The following SUCLG2 variants were observed in gnomAD, a reference collection of about 807,000 sequenced individuals.
SUCLG2 encodes the protein succinate--CoA ligase [GDP-forming] subunit beta, mitochondrial.
A neutral mutation model predicts 47.9 loss-of-function variants in SUCLG2; 42 were observed. The observed-to-expected ratio is 0.88, with a 90% CI of 0.69 to 1.14. The LOEUF (loss-of-function observed/expected upper bound fraction) is 1.14, where lower values mean the gene tolerates loss of function less well. Ranked by LOEUF, SUCLG2 falls within the 50% of genes most tolerant of loss-of-function variation. The probability of loss-of-function intolerance (pLI) is 0.00; values close to 1 mark genes in which losing one functional copy is unlikely to be tolerated. For synonymous variants in SUCLG2, 195 were observed against 197.3 expected (o/e 0.99, Z 0.10); for missense variants, 571 against 525.9 (o/e 1.09, Z -0.84).
At chr3:67,540,020 T>G (rs140562555) in intron 2 of SUCLG2, among the ~76,000 whole-genome samples, 6 of 151,860 alleles carry the variant, frequency 4.0e-5, no homozygotes, top group African/African-American at 1.5e-4. Flanking sequence ...CCCGGATTCA[T>G]TGATTTTTTT....
intron 10 of SUCLG2, among the ~76,000 whole-genome samples, chr3:67,381,691 C>T (rs550437411): frequency 2.0e-5 from 3 of 152,048 alleles, no homozygotes; most frequent in African/African-American, 7.3e-5. Flanking sequence ...TTGTTGAGAG[C>T]CACTCAGCTA....
intron 1 of SUCLG2, among the ~76,000 whole-genome samples, chr3:67,651,729 A>G (rs1398339347): frequency 6.6e-6 from 1 of 152,176 alleles, no homozygotes; most frequent in Non-Finnish European, 1.5e-5. Flanking sequence ...CAAGTTGTTC[A>G]TTTGTAATTG....
chr3:67,389,636 T>C (rs1702336553), intron 10 of SUCLG2, among the ~76,000 whole-genome samples: 1 of 152,208 alleles, frequency 6.6e-6, no homozygotes, highest in South Asian at 2.1e-4. Context: ...ATTCTTATTC[T>C]CTCACAATTT....
At chr3:67,401,860 G>A (rs1005956844) in intron 9 of SUCLG2, among the ~76,000 whole-genome samples, 2 of 152,138 alleles carry the variant, frequency 1.3e-5, no homozygotes, top group Non-Finnish European at 2.9e-5. Flanking sequence ...CATATGAGAA[G>A]AGAATATCTT....
chr3:67,606,265 C>T (rs1320507700), intron 2 of SUCLG2, among the ~76,000 whole-genome samples: 2 of 152,014 alleles, frequency 1.3e-5, no homozygotes, highest in Non-Finnish European at 2.9e-5. Context: ...AACCACAATA[C>T]AATGGCTAAA....
intron 2 of SUCLG2, among the ~76,000 whole-genome samples, chr3:67,533,923 CAG>C (rs1246704293): frequency 6.6e-6 from 1 of 151,050 alleles, no homozygotes; most frequent in Admixed American, 6.7e-5. Flanking sequence ...AAATTTGGGA[CAG>C]AGAGTTTCAA....
intron 2 of SUCLG2, among the ~76,000 whole-genome samples, chr3:67,582,865 C>A (rs1707917783): frequency 6.6e-6 from 1 of 151,678 alleles, no homozygotes; most frequent in African/African-American, 2.4e-5. Context: ...CATTCCCCTC[C>A]CCCACCAAAA....
At chr3:67,417,573 C>A (rs9878672) in intron 9 of SUCLG2, among the ~76,000 whole-genome samples, 12,997 of 152,226 alleles carry the variant, frequency 0.085, 658 homozygotes, top group African/African-American at 0.13. Flanking sequence ...AACTAAAAAT[C>A]GGAGTGGAAA....
At chr3:67,361,891 G>T (rs1701807990) in intron 10 of SUCLG2, among the ~76,000 whole-genome samples, 1 of 152,118 alleles carries the variant, frequency 6.6e-6, no homozygotes, top group Admixed American at 6.6e-5. Context: ...ATGGTGAGGG[G>T]AACATGCCCT....
intron 6 of SUCLG2, among the ~76,000 whole-genome samples, chr3:67,512,222 T>C (rs1448168944): frequency 1.3e-5 from 2 of 151,282 alleles, no homozygotes; most frequent in African/African-American, 2.5e-5. Flanking sequence ...TTTAAAAGGC[T>C]AGTCCCATTC....
intron 1 of SUCLG2, among the ~76,000 whole-genome samples, chr3:67,626,113 G>A (rs969311994): frequency 7.9e-5 from 12 of 151,622 alleles, no homozygotes; most frequent in South Asian, 2.1e-4. Flanking sequence ...TCCGCCTCCC[G>A]GGTTCACGCC....
intron 1 of SUCLG2, among the ~76,000 whole-genome samples, chr3:67,621,814 A>C (rs1445724848): frequency 2.6e-5 from 4 of 152,178 alleles, no homozygotes; most frequent in African/African-American, 9.7e-5. Context: ...TAACTATAAG[A>C]AATAAATTCC....
chr3:67,479,369 C>T (rs750262603), intron 9 of SUCLG2, among the ~76,000 whole-genome samples: 2 of 151,726 alleles, frequency 1.3e-5, no homozygotes, highest in South Asian at 2.1e-4. Context: ...TCATACATAC[C>T]GAGGAAAAAC....
intron 2 of SUCLG2, among the ~76,000 whole-genome samples, chr3:67,595,673 A>G (rs1034387237): frequency 6.6e-6 from 1 of 152,162 alleles, no homozygotes; most frequent in African/African-American, 2.4e-5. Context: ...GGCCTCTTAG[A>G]TGATTATTTT....
At position 67,416,813 on chromosome 3, in the gene SUCLG2, T is replaced by C. The variant is rs186791520; in HGVS notation, c.1063-15962A>G. Among the ~76,000 whole-genome samples the C allele has an allele frequency of 9.8e-5, 15 of 152,322 alleles. No individual in the cohort carries two copies. The East Asian group carries it at 2.3e-3, about 23-fold the overall frequency. On this transcript the variant is annotated intron_variant, in intron 9 of 10. Transcript: ENST00000307227. ...AAAGTTCTGATTGTGTTCCTTAATA[T>C]AGACTATTGAAAATTATTAAAATAT...
In SUCLG2 at chr3:67,654,525, CG is replaced by C. The variant is rs1338725572; in HGVS notation, c.61del (p.Arg21AlafsTer12). On this transcript the variant is annotated frameshift_variant, in exon 1 of 11. Transcript: ENST00000307227. LOFTEE classifies it high-confidence loss of function. ...CACCTGGGACCCGGCCGCCAGGAAG[CG>C]GGGCCGCAGCGCTAGGGCTCGCAGA... is the stretch of plus-strand genomic sequence containing the variant. ...KLLRALALRP[R>X]FLAAGSQAVQ... The C allele has an allele frequency of 1.6e-6, 2 of 1,251,776 alleles. No individual in the cohort carries two copies. The highest frequency in any genetic ancestry group is 2.0e-6 in the Non-Finnish European group (2 of 996,418). 77.5% of individuals were successfully genotyped at this position (1,251,776 alleles called of 1,614,324 possible).
At chr3:67,527,879 A>G (rs151258189) in intron 4 of SUCLG2, among the ~76,000 whole-genome samples, 232 of 152,346 alleles carry the variant, frequency 1.5e-3, no homozygotes, top group African/African-American at 5.4e-3. Context: ...AGGGAAAGCC[A>G]TTGCTCGGTC....
intron 10 of SUCLG2, among the ~76,000 whole-genome samples, chr3:67,362,432 T>C (rs1023656868): frequency 2.6e-5 from 4 of 152,214 alleles, no homozygotes; most frequent in Non-Finnish European, 4.4e-5. Flanking sequence ...TTCTTTAAAA[T>C]TGCAATATAT....
chr3:67,572,314 A>G (rs1707635309), intron 2 of SUCLG2, among the ~76,000 whole-genome samples: 1 of 152,196 alleles, frequency 6.6e-6, no homozygotes, highest in Non-Finnish European at 1.5e-5. Context: ...TTAATTCATC[A>G]TTCTTGGATA....
Sources: gnomAD v4.1 joint callset for allele counts (sites outside exome capture counted in the v4.1 genomes callset) on GRCh38, gnomAD v4.1.1 for gene constraint, MANE v1.5 for transcripts, NCBI Gene and HGNC (gene_info 2026-07-23, HGNC 2026-07-21) for gene names.